The following INPP4B variants were observed in gnomAD, a reference collection of about 807,000 sequenced individuals.
The protein encoded by INPP4B is inositol polyphosphate-4-phosphatase type II B.
In INPP4B, 55 loss-of-function variants were observed where a neutral mutation model predicts 122.5. The observed-to-expected ratio is 0.45, with a 90% confidence interval of 0.36 to 0.56. The LOEUF is 0.56. INPP4B is among the 20% of genes least tolerant of loss of function. The pLI, the probability that INPP4B is intolerant of heterozygous loss-of-function variation, is 0.00. For missense variants in INPP4B, 1,000 were observed against 1,097.7 expected (o/e 0.91, Z 1.26); for synonymous variants, 403 against 388.7 (o/e 1.04, Z -0.43).
At chr4:142,662,191 C>T (rs935016908) in intron 2 of INPP4B, among the ~76,000 whole-genome samples, 2 of 151,320 alleles carry the variant, frequency 1.3e-5, no homozygotes, top group African/African-American at 4.9e-5. Context: ...GCCAAGACAG[C>T]GCCATTGCAC....
At chr4:142,613,157 G>C (rs1742937702) in intron 2 of INPP4B, among the ~76,000 whole-genome samples, 1 of 152,108 alleles carries the variant, frequency 6.6e-6, no homozygotes, top group Non-Finnish European at 1.5e-5. Context: ...TCTCCCTGAT[G>C]ATCAGAGACC....
intron 23 of INPP4B, among the ~76,000 whole-genome samples, chr4:142,107,531 C>A (rs1578922054): frequency 6.6e-6 from 1 of 152,108 alleles, no homozygotes; most frequent in East Asian, 1.9e-4. Flanking sequence ...TGGACAATGG[C>A]CCCCTCCAAA....
At chr4:142,634,167 T>A (rs1748604046) in intron 2 of INPP4B, among the ~76,000 whole-genome samples, 1 of 152,162 alleles carries the variant, frequency 6.6e-6, no homozygotes, top group African/African-American at 2.4e-5. Flanking sequence ...AATAAATAGA[T>A]AATCTGAATA....
chr4:142,128,761 A>G (rs985038146), intron 18 of INPP4B, among the ~76,000 whole-genome samples: 1 of 152,000 alleles, frequency 6.6e-6, no homozygotes. Flanking sequence ...AAGGATTCAG[A>G]GAACGGCTGC....
intron 7 of INPP4B, among the ~76,000 whole-genome samples, chr4:142,345,396 C>T (rs937449597): frequency 2.6e-5 from 4 of 151,674 alleles, no homozygotes; most frequent in Non-Finnish European, 4.4e-5. Context: ...AAAATACTGT[C>T]GAAAAATAAA....
At chr4:142,704,046 T>C (rs540021900) in intron 2 of INPP4B, among the ~76,000 whole-genome samples, 1 of 152,292 alleles carries the variant, frequency 6.6e-6, no homozygotes, top group African/African-American at 2.4e-5. Flanking sequence ...GAATATCTAT[T>C]AGAAGAAGCT....
At chr4:142,262,758 G>T (rs1164713100) in intron 10 of INPP4B, among the ~76,000 whole-genome samples, 2 of 152,000 alleles carry the variant, frequency 1.3e-5, no homozygotes, top group Admixed American at 6.6e-5. Flanking sequence ...ATAAGTTAAG[G>T]CTTATTATAA....
chr4:142,073,223 C>A (rs947210382), intron 25 of INPP4B, among the ~76,000 whole-genome samples: 1 of 152,126 alleles, frequency 6.6e-6, no homozygotes, highest in Non-Finnish European at 1.5e-5. Context: ...GATAGGCTCA[C>A]TAAATGGAAG....
chr4:142,839,131 T>A (rs1783162151), intron 1 of INPP4B, among the ~76,000 whole-genome samples: 1 of 152,168 alleles, frequency 6.6e-6, no homozygotes, highest in Admixed American at 6.6e-5. Flanking sequence ...ATTCCATGGG[T>A]CTGCTATATC....
chr4:142,241,230 A>ATT (rs33987551), intron 11 of INPP4B, among the ~76,000 whole-genome samples: 10 of 149,364 alleles, frequency 6.7e-5, no homozygotes, highest in African/African-American at 2.0e-4. Flanking sequence ...TCTCATCTTC[A>ATT]TTTTTTTTTT....
At chr4:142,411,656 C>A (rs892843070) in intron 5 of INPP4B, among the ~76,000 whole-genome samples, 1 of 152,148 alleles carries the variant, frequency 6.6e-6, no homozygotes, top group Non-Finnish European at 1.5e-5. Context: ...CTTTGGGAGG[C>A]CCAGGCAGGC....
intron 2 of INPP4B, among the ~76,000 whole-genome samples, chr4:142,626,072 G>T (rs1282653279): frequency 1.3e-5 from 2 of 152,114 alleles, no homozygotes; most frequent in Non-Finnish European, 2.9e-5. Context: ...CATAGGCATG[G>T]GCAAGGACTT....
chr4:142,125,714 T>C (rs567306778), intron 18 of INPP4B, among the ~76,000 whole-genome samples: 1 of 152,118 alleles, frequency 6.6e-6, no homozygotes, highest in East Asian at 1.9e-4. Flanking sequence ...TGAGCTGACT[T>C]CCTTTTGTGC....
At chr4:142,258,621 C>T (rs1362301003) in intron 11 of INPP4B, among the ~76,000 whole-genome samples, 2 of 152,214 alleles carry the variant, frequency 1.3e-5, no homozygotes, top group Non-Finnish European at 2.9e-5. Context: ...CATCACTGGT[C>T]ATCAGAGAAA....
At chr4:142,118,896 C>G (rs1294741151) in intron 21 of INPP4B, among the ~76,000 whole-genome samples, 1 of 152,136 alleles carries the variant, frequency 6.6e-6, no homozygotes, top group East Asian at 1.9e-4. Context: ...ATCTATCTAT[C>G]TGACAAAGGG....
chr4:142,032,111 G>A (rs1431397342), intron 25 of INPP4B, among the ~76,000 whole-genome samples: 1 of 152,178 alleles, frequency 6.6e-6, no homozygotes, highest in East Asian at 1.9e-4. Context: ...AAAGAAAGAT[G>A]TGGATGTTCA....
intron 2 of INPP4B, among the ~76,000 whole-genome samples, chr4:142,610,242 C>A (rs186231820): frequency 6.6e-6 from 1 of 152,220 alleles, no homozygotes; most frequent in Non-Finnish European, 1.5e-5. Context: ...TGCCTGCCAC[C>A]ATGTAAGACG....
intron 1 of INPP4B, among the ~76,000 whole-genome samples, chr4:142,765,087 G>T (rs1483063129): frequency 6.6e-6 from 1 of 152,124 alleles, no homozygotes; most frequent in African/African-American, 2.4e-5. Flanking sequence ...TACAGCAGAG[G>T]TGAGAGATCA....
chr4:142,129,702 C>A (rs1800341600), intron 18 of INPP4B, among the ~76,000 whole-genome samples: 1 of 152,200 alleles, frequency 6.6e-6, no homozygotes, highest in African/African-American at 2.4e-5. Flanking sequence ...CTCAGAATGT[C>A]CTTCTCCAAC....
Sources: gnomAD v4.1 joint callset for allele counts (sites outside exome capture counted in the v4.1 genomes callset) on GRCh38, gnomAD v4.1.1 for gene constraint, MANE v1.5 for transcripts, NCBI Gene and HGNC (gene_info 2026-07-23, HGNC 2026-07-21) for gene names.